PEMT: variants seen among roughly 807,000 people sequenced by gnomAD.
The protein encoded by PEMT is phosphatidylethanolamine N-methyltransferase.
PEMT carries 23 observed loss-of-function variants against 27.4 expected under a neutral mutation model. The ratio of observed to expected loss-of-function variants is 0.84; its 90% CI spans 0.60 to 1.19. The LOEUF (loss-of-function observed/expected upper bound fraction) is 1.19. PEMT is among the 50% of genes most tolerant of loss of function. The probability of loss-of-function intolerance (pLI) is 0.00; values close to 1 mark genes in which losing one functional copy is unlikely to be tolerated. For missense variants in PEMT, 307 were observed against 310.1 expected (o/e 0.99, Z 0.07); for synonymous variants, 137 against 139.1 (o/e 0.98, Z 0.11).
chr17:17,513,843 G>C lies in PEMT; in HGVS notation c.321-1189C>G, dbSNP rs1338655564. Among the ~76,000 whole-genome samples the C allele has an allele frequency of 6.6e-6, 1 of 152,122 alleles. No individual in the cohort carries two copies. The highest frequency in any genetic ancestry group is 2.4e-5 in the African/African-American group (1 of 41,402). ...TGTGTGTGGGAGCACGGACATGTGT[G>C]ACCAAATGTGCTCTTCCCATGCTCA... On this transcript the variant is annotated intron_variant, in intron 3 of 6. Transcript: ENST00000255389. This position sits in a 1 kb window ranked among gnomAD's most constrained non-coding sequence, Gnocchi z 4.1.
chr17:17,581,341 C>T (rs904916837), intron 1 of PEMT, among the ~76,000 whole-genome samples: 1 of 152,140 alleles, frequency 6.6e-6, no homozygotes, highest in Non-Finnish European at 1.5e-5. Context: ...TCTCAGCCAC[C>T]CTAAAAGTAA....
intron 1 of PEMT, among the ~76,000 whole-genome samples, chr17:17,585,161 A>C (rs561813775): frequency 6.6e-6 from 1 of 152,292 alleles, no homozygotes; most frequent in Admixed American, 6.5e-5. Context: ...GATATGGTGA[A>C]ACCCCGTCTC....
intron 2 of PEMT, among the ~76,000 whole-genome samples, chr17:17,542,070 T>G (rs1412703563): frequency 6.6e-6 from 1 of 152,214 alleles, no homozygotes; most frequent in Non-Finnish European, 1.5e-5. Flanking sequence ...AACCTCCACC[T>G]ACCAGGTTCA....
At chr17:17,543,661 C>A (rs1181424244) in intron 2 of PEMT, among the ~76,000 whole-genome samples, 1 of 152,134 alleles carries the variant, frequency 6.6e-6, no homozygotes, top group Non-Finnish European at 1.5e-5. Flanking sequence ...CTCCCAGGTT[C>A]AAGTGATTCT....
chr17:17,549,807 G>A (rs2142638537), intron 2 of PEMT, among the ~76,000 whole-genome samples: 1 of 152,308 alleles, frequency 6.6e-6, no homozygotes, highest in African/African-American at 2.4e-5. Context: ...TTTTCAGGCG[G>A]GTCTGGGGCT....
intron 2 of PEMT, among the ~76,000 whole-genome samples, chr17:17,546,914 AAG>A (rs1909300817): frequency 6.6e-6 from 1 of 152,228 alleles, no homozygotes; most frequent in African/African-American, 2.4e-5. Flanking sequence ...ACAGAAAAGA[AAG>A]AGGTGGCCGT....
rs983954558 is a variant in PEMT, at chr17:17,555,950, C to T, written c.204+20970G>A. ...AGCCAGCAGGCTTGAATGCTCCGCT[C>T]CTTTCACAGATGATGTGGCTTTAAG... On this transcript the variant is annotated intron_variant, in intron 2 of 6. Transcript: ENST00000255389. Among the ~76,000 whole-genome samples the T allele has an allele frequency of 2.6e-5, 4 of 152,246 alleles. No individual in the cohort carries two copies. In the South Asian group the frequency reaches 8.3e-4, roughly 31 times the overall value.
chr17:17,534,658 G>A (rs868622385), intron 2 of PEMT, among the ~76,000 whole-genome samples: 22 of 152,286 alleles, frequency 1.4e-4, no homozygotes, highest in African/African-American at 5.1e-4. Flanking sequence ...GCCAGATGGT[G>A]AGACCCCCAT....
At chr17:17,565,954 T>A (rs1162460777) in intron 2 of PEMT, among the ~76,000 whole-genome samples, 1 of 152,212 alleles carries the variant, frequency 6.6e-6, no homozygotes, top group Non-Finnish European at 1.5e-5. Flanking sequence ...CTGCTTCTCC[T>A]TGGAGCCCAA....
At chr17:17,591,776 C>T (rs70953701), upstream of PEMT, 3,840 of 1,430,430 alleles carry the variant, frequency 2.7e-3, 78 homozygotes, top group African/African-American at 0.047. Context: ...TGTAGTTCCC[C>T]GTCACCGCGA....
In PEMT at chr17:17,506,993, C is replaced by A. The variant is rs1007280111; in HGVS notation, c.579-692G>T. On this transcript the variant is annotated intron_variant, in intron 5 of 6. Transcript: ENST00000255389. Reference sequence around the variant, plus strand: ...CCCCAGGCAGAGCATACAGCAGGCCCAAGGCCGGATGGAGCATCGCCAGGG... The same window carrying A: ...CCCCAGGCAGAGCATACAGCAGGCCAAAGGCCGGATGGAGCATCGCCAGGG... 4.5e-6 allele frequency: 3 copies of A among 659,590 alleles called. No homozygotes were observed. The African/African-American group carries it at 5.4e-5, about 12-fold the overall frequency. 40.9% of individuals were successfully genotyped at this position (659,590 alleles called of 1,614,324 possible).
intron 2 of PEMT, among the ~76,000 whole-genome samples, chr17:17,554,821 G>A (rs1909934145): frequency 6.6e-6 from 1 of 151,990 alleles, no homozygotes; most frequent in Non-Finnish European, 1.5e-5. Flanking sequence ...TCACCATGTT[G>A]GTCAGGCTGA....
At position 17,523,431 on chromosome 17, in the gene PEMT, C is replaced by T. The variant is rs916868066; in HGVS notation, c.205-1036G>A. Among the ~76,000 whole-genome samples the T allele has an allele frequency of 2.0e-5, 3 of 152,178 alleles. No homozygotes were observed. The highest frequency in any genetic ancestry group is 2.9e-5 in the Non-Finnish European group (2 of 68,032). On this transcript the variant is annotated intron_variant, in intron 2 of 6. Coordinates refer to ENST00000255389, the MANE Select transcript of PEMT (RefSeq NM_148172.3). This position sits in a 1 kb window ranked among gnomAD's most constrained non-coding sequence, Gnocchi z 4.8. ...GGCCACTGACTCCCAGAAGGTGGCT[C>T]CCTAGTGAGTCCTCTGGCCCCTGTC...
intron 2 of PEMT, chr17:17,570,700 A>G: frequency 1.0e-6 from 1 of 985,414 alleles, no homozygotes; most frequent in Non-Finnish European, 1.2e-6. Context: ...CTCCCGGGAC[A>G]GGGGAAAAGT....
In PEMT at chr17:17,523,231, G is replaced by A. The variant is rs571856752; in HGVS notation, c.205-836C>T. Among the ~76,000 whole-genome samples the A allele has an allele frequency of 6.6e-6, 1 of 152,190 alleles. No individual in the cohort carries two copies. The highest frequency in any genetic ancestry group is 1.5e-5 in the Non-Finnish European group (1 of 68,032). ...TGGGCTCTAGGTATGTGAGCAAGTT[G>A]TCTGTGGGCCCAGAGTAGGCGCCTG... On this transcript the variant is annotated intron_variant, in intron 2 of 6. Coordinates refer to ENST00000255389, the MANE Select transcript of PEMT (RefSeq NM_148172.3). The surrounding 1 kb of genome is among the most constrained non-coding windows in gnomAD (Gnocchi z 4.8).
chr17:17,557,915 A>C (rs1355923537), intron 2 of PEMT, among the ~76,000 whole-genome samples: 1 of 152,186 alleles, frequency 6.6e-6, no homozygotes, highest in African/African-American at 2.4e-5. Context: ...ATGGCCAGGG[A>C]GGGCCAGGGA....
chr17:17,533,800 G>A (rs1211578783), intron 2 of PEMT, among the ~76,000 whole-genome samples: 2 of 151,522 alleles, frequency 1.3e-5, no homozygotes, highest in Non-Finnish European at 2.9e-5. Context: ...GTGCGATCTC[G>A]GCTCACTGCA....
intron 2 of PEMT, among the ~76,000 whole-genome samples, chr17:17,566,556 G>C (rs1440692549): frequency 6.6e-6 from 1 of 152,250 alleles, no homozygotes; most frequent in African/African-American, 2.4e-5. Context: ...GGAAGGCACA[G>C]GGAGGAGGGC....
chr17:17,586,235 AG>A (rs1567758990), intron 1 of PEMT, among the ~76,000 whole-genome samples: 8 of 95,124 alleles, frequency 8.4e-5, no homozygotes, highest in African/African-American at 4.0e-4. Flanking sequence ...AAAGAAAGAA[AG>A]AAAGAAAGAA....
Sources: allele counts gnomAD v4.1 joint callset (sites outside exome capture counted in the v4.1 genomes callset), GRCh38; gene constraint gnomAD v4.1.1; non-coding constraint Gnocchi (gnomAD v3.1); transcripts MANE v1.5; gene names NCBI Gene and HGNC (gene_info 2026-07-23, HGNC 2026-07-21).